The following ROBO2 variants were observed in gnomAD, a reference collection of about 807,000 sequenced individuals.
ROBO2 encodes roundabout homolog 2.
Under a neutral mutation model 160.8 loss-of-function variants are expected in ROBO2, and 53 were observed. The observed-to-expected ratio is 0.33, with a 90% CI of 0.26 to 0.41. ROBO2 has a LOEUF of 0.41. Among genes scored for constraint, ROBO2 ranks in the 10% least tolerant of loss-of-function variants. The pLI, the probability that ROBO2 is intolerant of heterozygous loss-of-function variation, is 1.00. For synonymous variants in ROBO2, 664 were observed against 611.7 expected, an observed-to-expected ratio of 1.09 and a Z score of -1.26; for missense variants, 1,577 against 1,722.4, an observed-to-expected ratio of 0.92 and a Z score of 1.49.
chr3:76,170,282 T>C (rs13067529), intron 2 of ROBO2, among the ~76,000 whole-genome samples: 1 of 152,326 alleles, frequency 6.6e-6, no homozygotes, highest in African/African-American at 2.4e-5. Flanking sequence ...CCCTTTGCTA[T>C]ATAGGCTTTT....
chr3:76,197,739 C>G (rs143268060), intron 2 of ROBO2, among the ~76,000 whole-genome samples: 1 of 151,988 alleles, frequency 6.6e-6, no homozygotes, highest in East Asian at 1.9e-4. Flanking sequence ...GTTAACTGGC[C>G]GAAGTCATGT....
At chr3:77,210,078 A>AT (rs1212679778) in intron 2 of ROBO2, among the ~76,000 whole-genome samples, 2 of 151,968 alleles carry the variant, frequency 1.3e-5, no homozygotes, top group African/African-American at 4.8e-5. Flanking sequence ...AAAGCTCAAG[A>AT]TTTTTTTCTT....
chr3:76,776,671 A>G (rs1432153977), intron 2 of ROBO2, among the ~76,000 whole-genome samples: 2 of 150,946 alleles, frequency 1.3e-5, no homozygotes, highest in African/African-American at 2.4e-5. Flanking sequence ...AATATTGTTT[A>G]CTAACCAGAA....
intron 2 of ROBO2, among the ~76,000 whole-genome samples, chr3:76,155,723 TTTTC>T (rs1304144514): frequency 6.6e-6 from 1 of 152,188 alleles, no homozygotes; most frequent in Non-Finnish European, 1.5e-5. Flanking sequence ...TTTTGGGTGT[TTTTC>T]TTTGTCTATT....
At chr3:77,509,967 G>A (rs936764937) in intron 5 of ROBO2, among the ~76,000 whole-genome samples, 5 of 152,004 alleles carry the variant, frequency 3.3e-5, no homozygotes, top group African/African-American at 1.2e-4. Flanking sequence ...GAGGTGGGAG[G>A]TATGGGGAGT....
rs930762887 is a variant in ROBO2 at position 77,373,190 on chromosome 3, A to C, written c.389-104224A>C. Among the ~76,000 whole-genome samples the C allele has an allele frequency of 4.7e-4, 70 of 147,596 alleles. 1 individual carries two copies. Among genetic ancestry groups the C allele is most frequent in the Non-Finnish European group, 2.8e-4 (19 of 66,880 alleles). On this transcript the variant is annotated intron_variant, in intron 2 of 25. Coordinates refer to ENST00000461745, the Ensembl canonical transcript of ROBO2. ...AAATTATATAAAATATTATATTTTA[A>C]AATTATTATATAATAAAATAATTAA...
intron 1 of ROBO2, among the ~76,000 whole-genome samples, chr3:75,934,493 G>A (rs1441866622): frequency 6.6e-6 from 1 of 152,048 alleles, no homozygotes; most frequent in South Asian, 2.1e-4. Context: ...ATCTTTCATG[G>A]AAAATTTTTT....
intron 2 of ROBO2, among the ~76,000 whole-genome samples, chr3:76,724,926 G>A (rs964718357): frequency 6.6e-6 from 1 of 152,048 alleles, no homozygotes; most frequent in Admixed American, 6.6e-5. Flanking sequence ...GGCAGAGGGT[G>A]GAGTAATTTG....
intron 2 of ROBO2, among the ~76,000 whole-genome samples, chr3:77,400,608 G>A (rs1224621350): frequency 6.6e-6 from 1 of 151,942 alleles, no homozygotes; most frequent in African/African-American, 2.4e-5. Context: ...TTAAGAAATT[G>A]TGTTCAACTT....
intron 2 of ROBO2, among the ~76,000 whole-genome samples, chr3:76,684,984 AG>A (rs1394154842): frequency 2.0e-5 from 3 of 148,690 alleles, no homozygotes; most frequent in African/African-American, 7.5e-5. Context: ...CAAATGCAAA[AG>A]TCTTTCCACC....
At chr3:77,445,519 A>G (rs2080384464) in intron 2 of ROBO2, among the ~76,000 whole-genome samples, 1 of 152,048 alleles carries the variant, frequency 6.6e-6, no homozygotes, top group Admixed American at 6.6e-5. Flanking sequence ...ACTAATAGTG[A>G]CTTTCGACCA....
Position 77,148,597 on chromosome 3 carries a change from G to A in ROBO2, c.388+50257G>A, listed in dbSNP as rs926220883. Among the ~76,000 whole-genome samples the A allele has an allele frequency of 7.2e-5, 11 of 152,120 alleles. No individual in the cohort carries two copies. In the South Asian group the frequency reaches 2.3e-3, roughly 32 times the overall value. On this transcript the variant is annotated intron_variant, in intron 2 of 25. Transcript: ENST00000461745. ...GGCTTATCAATACAGCAATAAATGA[G>A]GACAGTCTGAAGCACAGGAGAGATC...
intron 2 of ROBO2, among the ~76,000 whole-genome samples, chr3:76,848,794 G>A (rs1325087704): frequency 6.6e-6 from 1 of 152,032 alleles, no homozygotes; most frequent in Admixed American, 6.6e-5. Context: ...CCCAAAGATC[G>A]TACCTCCCTA....
intron 2 of ROBO2, among the ~76,000 whole-genome samples, chr3:76,958,112 A>T (rs2079406520): frequency 6.6e-6 from 1 of 152,152 alleles, no homozygotes; most frequent in Non-Finnish European, 1.5e-5. Flanking sequence ...TACTTTCTAT[A>T]TTTCCAAGGT....
intron 2 of ROBO2, among the ~76,000 whole-genome samples, chr3:77,177,826 A>G (rs1274231047): frequency 6.6e-6 from 1 of 152,030 alleles, no homozygotes; most frequent in Non-Finnish European, 1.5e-5. Flanking sequence ...TTCCCCCTTC[A>G]TGTTTTCCAA....
chr3:77,496,653 A>G (rs569995286), intron 5 of ROBO2, among the ~76,000 whole-genome samples: 7 of 152,246 alleles, frequency 4.6e-5, no homozygotes, highest in Non-Finnish European at 8.8e-5. Context: ...ACACATTTAT[A>G]CGAAAGCTTT....
chr3:76,010,841 A>G (rs2066171001), intron 2 of ROBO2, among the ~76,000 whole-genome samples: 2 of 151,884 alleles, frequency 1.3e-5, no homozygotes, highest in Non-Finnish European at 2.9e-5. Context: ...GATTGTTAAA[A>G]TTACAGTTTT....
At chr3:76,248,440 A>G (rs371279952) in intron 2 of ROBO2, among the ~76,000 whole-genome samples, 5,466 of 147,978 alleles carry the variant, frequency 0.037, 121 homozygotes, top group South Asian at 0.078. Flanking sequence ...GAATTGAACA[A>G]TGAGATCACA....
intron 2 of ROBO2, among the ~76,000 whole-genome samples, chr3:76,663,622 G>T (rs1407184485): frequency 6.6e-6 from 1 of 152,178 alleles, no homozygotes. Context: ...CTCCAGAGAT[G>T]CAGAGAGAAA....
Sources: gnomAD v4.1 joint callset for allele counts (sites outside exome capture counted in the v4.1 genomes callset) on GRCh38, gnomAD v4.1.1 for gene constraint, MANE v1.5 for transcripts, NCBI Gene and HGNC (gene_info 2026-07-23, HGNC 2026-07-21) for gene names.